CDH18: variants seen among roughly 807,000 people sequenced by gnomAD.
CDH18 encodes cadherin-18.
A neutral mutation model predicts 67.9 loss-of-function variants in CDH18; 31 were observed. The observed-to-expected ratio is 0.46, with a 90% CI of 0.34 to 0.62. The LOEUF is 0.62. Ranked by LOEUF, CDH18 falls within the 20% of genes least tolerant of loss-of-function variation. CDH18 has a pLI of 0.01. For missense variants in CDH18, 890 were observed against 975.5 expected, an observed-to-expected ratio of 0.91 and a Z score of 1.17; for synonymous variants, 362 against 347.2, an observed-to-expected ratio of 1.04 and a Z score of -0.48.
chr5:20,261,704 C>T lies in CDH18; in HGVS notation c.-579-6199G>A, dbSNP rs185393534. 1.6e-3 allele frequency among the ~76,000 whole-genome samples: 237 copies of T among 151,968 alleles called. 1 individual carries two copies. The highest frequency in any genetic ancestry group is 5.6e-3 in the African/African-American group (231 of 41,416). The stretch of plus-strand genomic sequence containing the variant: ...TGAGATGGAGCCACTGCATTCCAGC[C>T]TGGGCGACAGAGCGAGACTCCGTTT... On this transcript the variant is annotated intron_variant, in intron 1 of 14. Coordinates refer to the CDH18 transcript ENST00000507958.
intron 3 of CDH18, among the ~76,000 whole-genome samples, chr5:19,777,558 C>G (rs768071307): frequency 6.6e-6 from 1 of 152,080 alleles, no homozygotes; most frequent in African/African-American, 2.4e-5. Flanking sequence ...TCAGGCACTA[C>G]GTTTGAAAAA....
chr5:20,527,226 G>A (rs1581154365), intron 1 of CDH18, among the ~76,000 whole-genome samples: 2 of 152,018 alleles, frequency 1.3e-5, no homozygotes, highest in East Asian at 3.9e-4. Context: ...AGAATAAAAA[G>A]GAATGAACAA....
chr5:20,368,460 T>G (rs1373303448), intron 1 of CDH18, among the ~76,000 whole-genome samples: 2 of 152,120 alleles, frequency 1.3e-5, no homozygotes, highest in Admixed American at 6.5e-5. Context: ...TAGTACACAA[T>G]GCAAAGAAAA....
intron 2 of CDH18, among the ~76,000 whole-genome samples, chr5:20,028,129 C>T (rs752270747): frequency 8.6e-5 from 13 of 150,364 alleles, no homozygotes; most frequent in Non-Finnish European, 1.6e-4. Context: ...AACATAATTG[C>T]GGTGTTTGTC....
intron 2 of CDH18, among the ~76,000 whole-genome samples, chr5:20,188,327 C>A (rs1242698599): frequency 1.3e-5 from 2 of 151,944 alleles, no homozygotes; most frequent in Admixed American, 1.3e-4. Flanking sequence ...AATGTTAGAG[C>A]ATGACTCACA....
At chr5:19,825,831 T>C (rs1780348516) in intron 3 of CDH18, among the ~76,000 whole-genome samples, 1 of 152,174 alleles carries the variant, frequency 6.6e-6, no homozygotes, top group Non-Finnish European at 1.5e-5. Context: ...CCAGAGTGTC[T>C]TCTTGCTTCA....
At chr5:19,479,543 ATT>A (rs1739046013) in intron 12 of CDH18, among the ~76,000 whole-genome samples, 1 of 152,158 alleles carries the variant, frequency 6.6e-6, no homozygotes, top group East Asian at 1.9e-4. Flanking sequence ...GTAGTTATAT[ATT>A]TTCACTAATT....
In CDH18 at chr5:20,521,824, C is replaced by CAT. The variant is rs35654287; in HGVS notation, c.-580+53637_-580+53638insAT. Among the ~76,000 whole-genome samples the CAT allele has an allele frequency of 1.3e-3, 195 of 151,916 alleles. 1 individual carries two copies. The highest frequency in any genetic ancestry group is 4.6e-3 in the African/African-American group (189 of 41,390). On this transcript the variant is annotated intron_variant, in intron 1 of 14. Transcript: ENST00000507958. ...ACACACACATACACACACACACACACGTGCATACATTTGTATTTCCAATAA... is the reference window on the plus strand; with the variant it reads ...ACACACACATACACACACACACACACATGTGCATACATTTGTATTTCCAATAA...
chr5:20,297,598 T>C (rs1255309063), intron 1 of CDH18, among the ~76,000 whole-genome samples: 2 of 152,190 alleles, frequency 1.3e-5, no homozygotes, highest in Non-Finnish European at 2.9e-5. Flanking sequence ...CTTTATCTCT[T>C]GAGTCCCCAT....
intron 7 of CDH18, among the ~76,000 whole-genome samples, chr5:19,574,163 A>G (rs1741913220): frequency 6.6e-6 from 1 of 152,162 alleles, no homozygotes; most frequent in African/African-American, 2.4e-5. Context: ...GATGACACAC[A>G]TCTCTTGTTC....
chr5:19,807,932 A>G (rs1321774658), intron 3 of CDH18, among the ~76,000 whole-genome samples: 1 of 152,212 alleles, frequency 6.6e-6, no homozygotes, highest in Non-Finnish European at 1.5e-5. Flanking sequence ...TATATAAACA[A>G]TGTGTAACAT....
chr5:19,920,373 A>G (rs1271679432), intron 2 of CDH18, among the ~76,000 whole-genome samples: 1 of 152,156 alleles, frequency 6.6e-6, no homozygotes, highest in Non-Finnish European at 1.5e-5. Context: ...AACAGACAAC[A>G]GTTTTGGCCC....
At chr5:19,856,023 T>C (rs999904377) in intron 2 of CDH18, among the ~76,000 whole-genome samples, 2 of 152,182 alleles carry the variant, frequency 1.3e-5, no homozygotes, top group African/African-American at 4.8e-5. Context: ...GCAAAAGACT[T>C]CTCCTAATAA....
At chr5:19,966,153 A>C (rs893754266) in intron 2 of CDH18, among the ~76,000 whole-genome samples, 30 of 152,338 alleles carry the variant, frequency 2.0e-4, no homozygotes, top group African/African-American at 6.5e-4. Context: ...CAGAAAGATC[A>C]TTTGTGAAAC....
chr5:19,849,839 T>C (rs953732427), intron 2 of CDH18, among the ~76,000 whole-genome samples: 1 of 150,978 alleles, frequency 6.6e-6, no homozygotes. Flanking sequence ...ATATTCCATA[T>C]ACTCCACTAG....
chr5:20,568,242 G>A (rs1337161696), intron 1 of CDH18, among the ~76,000 whole-genome samples: 1 of 152,120 alleles, frequency 6.6e-6, no homozygotes, highest in African/African-American at 2.4e-5. Flanking sequence ...GAAGGACCTG[G>A]ATTTGAAACC....
intron 2 of CDH18, among the ~76,000 whole-genome samples, chr5:20,012,372 C>CAAAAAA (rs374226366): frequency 8.6e-6 from 1 of 116,058 alleles, no homozygotes; most frequent in African/African-American, 3.3e-5. Context: ...TTATCTTGTT[C>CAAAAAA]AAAAAAAAAA....
intron 8 of CDH18, among the ~76,000 whole-genome samples, chr5:19,554,494 G>A (rs370319684): frequency 6.6e-6 from 1 of 151,452 alleles, no homozygotes; most frequent in East Asian, 1.9e-4. Context: ...TGGTTGCAGT[G>A]AGCCAAGATC....
intron 2 of CDH18, among the ~76,000 whole-genome samples, chr5:20,172,190 GTATATATATATATATATATATATA>G (rs70954640): frequency 8.6e-5 from 2 of 23,318 alleles, no homozygotes; most frequent in Non-Finnish European, 1.5e-4. Flanking sequence ...AGCATTGTGT[GTATATATATATATATATATATATA>G]TATATATATG....
Sources: gnomAD v4.1 joint callset for allele counts (sites outside exome capture counted in the v4.1 genomes callset) on GRCh38, gnomAD v4.1.1 for gene constraint, MANE v1.5 for transcripts, NCBI Gene and HGNC (gene_info 2026-07-23, HGNC 2026-07-21) for gene names.